Variants in ZRANB1 observed in about 807,000 individuals in gnomAD.
ZRANB1 encodes the protein ubiquitin thioesterase ZRANB1.
In ZRANB1, 16 loss-of-function variants were observed where a neutral mutation model predicts 80.5. That is an observed-to-expected ratio of 0.20 (90% CI 0.13 to 0.30). The LOEUF (loss-of-function observed/expected upper bound fraction) is 0.30. Ranked by LOEUF, ZRANB1 falls within the 10% of genes least tolerant of loss-of-function variation. The probability of loss-of-function intolerance (pLI) is 1.00; values close to 1 mark genes in which losing one functional copy is unlikely to be tolerated. For missense variants in ZRANB1, 576 were observed against 862.6 expected (o/e 0.67, Z 4.16); for synonymous variants, 291 against 293.1 (o/e 0.99, Z 0.07).
chr10:124,926,085 A>G, the ZRANB1 span, among the ~76,000 whole-genome samples: 2 of 152,348 alleles, frequency 1.3e-5, no homozygotes, highest in African/African-American at 4.8e-5. Context: ...CAGTAGAAAT[A>G]TGGTGTAAAA....
At chr10:124,976,217 G>A (rs1421068051) in intron 5 of ZRANB1, among the ~76,000 whole-genome samples, 5 of 152,170 alleles carry the variant, frequency 3.3e-5, no homozygotes, top group African/African-American at 1.2e-4. Context: ...TATGAAGTAG[G>A]TTCATCGGGC....
At chr10:124,960,795 G>T (rs912350067) in intron 1 of ZRANB1, among the ~76,000 whole-genome samples, 1 of 152,010 alleles carries the variant, frequency 6.6e-6, no homozygotes, top group Non-Finnish European at 1.5e-5. Flanking sequence ...AGTTTCTCTC[G>T]GCCTACCTGA....
At chr10:124,977,172 T>A (rs781266945) in intron 5 of ZRANB1, among the ~76,000 whole-genome samples, 7 of 149,528 alleles carry the variant, frequency 4.7e-5, no homozygotes, top group Non-Finnish European at 1.0e-4. Context: ...AGGTCCTCAC[T>A]GTATTGCCCA....
At chr10:124,926,376 TG>T in the ZRANB1 span, among the ~76,000 whole-genome samples, 5 of 152,344 alleles carry the variant, frequency 3.3e-5, no homozygotes, top group East Asian at 7.7e-4. Context: ...AAACACATTG[TG>T]TAGCTGCACA....
At chr10:124,936,021 G>A in the ZRANB1 span, among the ~76,000 whole-genome samples, 1 of 152,198 alleles carries the variant, frequency 6.6e-6, no homozygotes, top group African/African-American at 2.4e-5. Flanking sequence ...ATGAAGATGA[G>A]ACTTGAACTG....
chr10:124,970,833 GTTT>G (rs34391929), intron 2 of ZRANB1, among the ~76,000 whole-genome samples: 37 of 85,398 alleles, frequency 4.3e-4, no homozygotes, highest in East Asian at 8.0e-4. Context: ...TCTCTTTGGG[GTTT>G]TTTTTTTTTT....
At chr10:124,938,225 G>C (rs1326590424), upstream of ZRANB1, among the ~76,000 whole-genome samples, 5 of 151,986 alleles carry the variant, frequency 3.3e-5, no homozygotes, top group Admixed American at 6.6e-5. Flanking sequence ...TAATTTCTTT[G>C]TAATACTGCA....
chr10:124,967,785 G>GT (rs1269968936), intron 2 of ZRANB1, among the ~76,000 whole-genome samples: 8 of 152,146 alleles, frequency 5.3e-5, no homozygotes, highest in Non-Finnish European at 1.2e-4. Context: ...AAGATACAGT[G>GT]TGGATGTAAG....
At chr10:124,923,246 C>A in the ZRANB1 span, among the ~76,000 whole-genome samples, 2 of 151,888 alleles carry the variant, frequency 1.3e-5, no homozygotes, top group Non-Finnish European at 2.9e-5. Flanking sequence ...GAGCTACACT[C>A]CAGCCTGGGC....
chr10:124,963,558 T>TTTTTTTTTTTTTTTTTTTTTG (rs1951753513), intron 1 of ZRANB1, among the ~76,000 whole-genome samples: 1 of 113,244 alleles, frequency 8.8e-6, no homozygotes, highest in Non-Finnish European at 1.8e-5. Context: ...TTGTTTGTTT[T>TTTTTTTTTTTTTTTTTTTTTG]TTTTTTTTTT....
chr10:124,972,205 A>G, intron 3 of ZRANB1, 87 bp downstream of exon 3: 2 of 1,318,458 alleles, frequency 1.5e-6, no homozygotes, highest in East Asian at 2.3e-5. Flanking sequence ...TCTGTTAGAA[A>G]GCACATAACA....
chr10:124,919,215 C>T, the ZRANB1 span, among the ~76,000 whole-genome samples: 1 of 152,136 alleles, frequency 6.6e-6, no homozygotes, highest in Non-Finnish European at 1.5e-5. Context: ...TGTCCATGTG[C>T]TTTATAATAA....
At chr10:124,956,594 A>G (rs1204077414) in intron 1 of ZRANB1, among the ~76,000 whole-genome samples, 2 of 152,018 alleles carry the variant, frequency 1.3e-5, no homozygotes, top group African/African-American at 4.8e-5. Flanking sequence ...TCAGCCTCCC[A>G]AGTAGCTGGG....
At chr10:124,948,742 C>T (rs1334127402) in intron 1 of ZRANB1, among the ~76,000 whole-genome samples, 1 of 152,106 alleles carries the variant, frequency 6.6e-6, no homozygotes, top group African/African-American at 2.4e-5. Flanking sequence ...TTGTCTCTCT[C>T]TACTCTAGAA....
At chr10:124,980,501 C>T (rs1234607713) in intron 5 of ZRANB1, among the ~76,000 whole-genome samples, 1 of 147,174 alleles carries the variant, frequency 6.8e-6, no homozygotes, top group Non-Finnish European at 1.5e-5. Context: ...GATATTTCTC[C>T]TTGAACTTTT....
At position 124,973,673 on chromosome 10, in the gene ZRANB1, A is replaced by G. The variant is rs775965446; in HGVS notation, c.1185A>G (p.Gln395=). The change falls in exon 4 of 9, where the codon CAA becomes CAG. Residue 395 remains glutamine, a synonymous_variant. Transcript: ENST00000359653. ...TTGAAGATTTGCCCCCAACAGTCCA[A>G]GAAAAATTATTTGATGAGGTGCTTG... ...ADIEDLPPTV[Q]EKLFDEVLDR... is the part of the protein sequence containing the mutation. 3.7e-6 allele frequency: 6 copies of G among 1,612,882 alleles called. No homozygotes were observed. In the African/African-American group the frequency reaches 8.0e-5, roughly 22 times the overall value.
rs988584767 is a variant in ZRANB1 at position 124,942,730 on chromosome 10, G to C, written c.237G>C (p.Ser79=). Reference sequence around the variant, plus strand: ...GTGCAAGACCAAGGGTGAAATCTTCGTATAGCATGGAAAATGCAAATAAGT... The same window carrying C: ...GTGCAAGACCAAGGGTGAAATCTTCCTATAGCATGGAAAATGCAAATAAGT... ...DSSARPRVKS[S]YSMENANKWS... is the part of the protein sequence containing the mutation. The change falls in exon 1 of 9, where the codon TCG becomes TCC. Residue 79 remains serine (S), a synonymous_variant. Transcript: ENST00000359653. The C allele has an allele frequency of 1.9e-6, 3 of 1,614,158 alleles. No individual in the cohort carries two copies.
In ZRANB1 at chr10:124,986,233, T is replaced by TTAG. The variant is rs1952031014; in HGVS notation, c.*1242_*1243insAGT. Reference sequence around the variant, plus strand: ...AATATTTGGTGTCCTGATAAGCACTTTCTAGACTATTGATGTGGCCAGGAA... The same window carrying TTAG: ...AATATTTGGTGTCCTGATAAGCACTTTAGTCTAGACTATTGATGTGGCCAGGAA... On this transcript the variant is annotated 3_prime_UTR_variant, in exon 9 of 9. Coordinates refer to ENST00000359653, the MANE Select transcript of ZRANB1 (RefSeq NM_017580.3). 6.6e-6 allele frequency: 1 copy of TTAG among 151,492 alleles called. No homozygotes were observed. The highest frequency in any genetic ancestry group is 1.5e-5 in the Non-Finnish European group (1 of 67,760). The allele number at this position is 151,492 out of a possible 1,614,324, so 9.4% of individuals were successfully genotyped here. A position where few individuals can be genotyped will look rare whatever the true frequency, so the allele number is the denominator to read the frequency against.
rs75293113 is a variant in ZRANB1 at position 124,983,198 on chromosome 10, G to C, written c.1572G>C (p.Thr524=). Residue 524 remains threonine, a synonymous_variant, in exon 7 of 9, where the codon ACG becomes ACC. Transcript: ENST00000359653. The surrounding 1 kb of genome is among the most constrained non-coding windows in gnomAD (Gnocchi z 6.2). ...AGCCTGGAGCAAGCTTGGAGCAGAC[G>C]CACATTTTTGTACTGGCACATATTC... ...ASQPGASLEQ[T]HIFVLAHILR... The C allele has an allele frequency of 6.2e-7, 1 of 1,613,598 alleles. No individual in the cohort carries two copies. Among genetic ancestry groups the C allele is most frequent in the Non-Finnish European group, 8.5e-7 (1 of 1,179,858 alleles).
Sources: gnomAD v4.1 joint callset for allele counts (sites outside exome capture counted in the v4.1 genomes callset) on GRCh38, gnomAD v4.1.1 for gene constraint, Gnocchi (gnomAD v3.1) non-coding constraint, MANE v1.5 for transcripts, NCBI Gene and HGNC (gene_info 2026-07-23, HGNC 2026-07-21) for gene names.